Variants in LATS2 observed in about 807,000 individuals in gnomAD.
LATS2 encodes serine/threonine-protein kinase LATS2.
In LATS2, 24 loss-of-function variants were observed where a neutral mutation model predicts 76.0. That is an observed-to-expected ratio of 0.32 (90% CI 0.23 to 0.44). LATS2 has a LOEUF of 0.44. LATS2 is among the 20% of genes least tolerant of loss of function. LATS2 has a pLI of 1.00. For synonymous variants in LATS2, 692 were observed against 635.4 expected, an observed-to-expected ratio of 1.09 and a Z score of -1.34; for missense variants, 1,286 against 1,481.2, an observed-to-expected ratio of 0.87 and a Z score of 2.16.
intron 2 of LATS2, among the ~76,000 whole-genome samples, chr13:21,029,458 A>G (rs990592810): frequency 1.3e-4 from 20 of 152,190 alleles, no homozygotes; most frequent in Admixed American, 4.6e-4. Flanking sequence ...CCATTTACTA[A>G]TATTTTGGTA....
chr13:21,044,479 G>A (rs961384884), intron 2 of LATS2, among the ~76,000 whole-genome samples: 1 of 152,124 alleles, frequency 6.6e-6, no homozygotes, highest in South Asian at 2.1e-4. Flanking sequence ...TCATGCAACT[G>A]TAATTTTTAA....
intron 2 of LATS2, among the ~76,000 whole-genome samples, chr13:21,025,413 A>AAC (rs367560172): frequency 0.073 from 10,284 of 140,028 alleles, 747 homozygotes; most frequent in Non-Finnish European, 0.09. Flanking sequence ...AAAAAAAAAA[A>AAC]ATTATGGTCA....
At chr13:20,995,461 C>A (rs1459218117) in intron 2 of LATS2, among the ~76,000 whole-genome samples, 1 of 152,206 alleles carries the variant, frequency 6.6e-6, no homozygotes, top group East Asian at 1.9e-4. Context: ...CAGCTGCAAG[C>A]CAACTGAAGG....
chr13:21,037,221 A>G (rs1341066740), intron 2 of LATS2, among the ~76,000 whole-genome samples: 2 of 152,210 alleles, frequency 1.3e-5, no homozygotes, highest in Non-Finnish European at 2.9e-5. Context: ...CCTGGCCAAC[A>G]TGGTGAAACC....
chr13:20,977,415 A>T (rs2138262324), intron 7 of LATS2, among the ~76,000 whole-genome samples: 1 of 151,778 alleles, frequency 6.6e-6, no homozygotes, highest in South Asian at 2.1e-4. Flanking sequence ...TCCTAAGCAT[A>T]ACCAAACTCA....
intron 2 of LATS2, among the ~76,000 whole-genome samples, chr13:21,015,606 T>C (rs548735101): frequency 2.0e-5 from 3 of 152,366 alleles, no homozygotes; most frequent in East Asian, 3.9e-4. Flanking sequence ...TTAAATAGGA[T>C]TTGGGGAACT....
intron 2 of LATS2, among the ~76,000 whole-genome samples, chr13:21,002,476 G>C (rs1871095495): frequency 6.6e-6 from 1 of 151,518 alleles, no homozygotes; most frequent in African/African-American, 2.4e-5. Context: ...CCAGGCTCAG[G>C]TGATTCTCCC....
rs1320375890 is a variant in LATS2, at chr13:20,989,127, C to T, written c.653G>A (p.Gly218Glu). 4 of 1,609,034 alleles carry T rather than the reference C, an allele frequency of 2.5e-6. No individual in the cohort carries two copies. ...GTGGCCGGGCCCGTGGGGGCCGACT[C>T]CGGGGAAAAGGTAGTCCACGTACGG... ...PRPYVDYLFP[G>E]VGPHGPGHQH... Residue 218 changes from glycine to glutamate, a missense_variant, in exon 4 of 8, where the codon GGA becomes GAA. Coordinates refer to ENST00000382592, the MANE Select transcript of LATS2 (RefSeq NM_014572.3).
rs1280595407 is a variant in LATS2 at position 20,973,932 on chromosome 13, T to C, written c.*938A>G. 4.6e-6 allele frequency: 1 copy of C among 218,528 alleles called. No individual in the cohort carries two copies. The highest frequency in any genetic ancestry group is 2.3e-5 in the African/African-American group (1 of 44,016). The allele number at this position is 218,528 out of a possible 1,614,324, so 13.5% of individuals were successfully genotyped here. ...TTTGGCATCGCTGTATTAATCCCTTTTGATGTATATAAGTTCAGTATATGA... is the reference window on the plus strand; with the variant it reads ...TTTGGCATCGCTGTATTAATCCCTTCTGATGTATATAAGTTCAGTATATGA... On this transcript the variant is annotated 3_prime_UTR_variant, in exon 8 of 8. Coordinates refer to ENST00000382592, the MANE Select transcript of LATS2 (RefSeq NM_014572.3).
In LATS2 at chr13:20,975,100, C is replaced by T. The variant is rs149434310; in HGVS notation, c.3037G>A (p.Asp1013Asn). ...GCCTTGGTGCTACCTTCGCTGGCAT[C>T]GTTCCAAGGGCTTTCTTCATCTACG... The part of the protein sequence containing the change: ...DPVDEESPWN[D>N]ASEGSTKAWD... Residue 1013 changes from aspartate to asparagine, a missense_variant, in exon 8 of 8, where the codon GAT becomes AAT. Physicochemically the swap from Asp to Asn is conservative, Grantham distance 23. This residue lies in a region of LATS2 where 210 missense variants were observed against 234.9 expected (regional missense o/e 0.89). Coordinates refer to ENST00000382592, the MANE Select transcript of LATS2 (RefSeq NM_014572.3). 1.1e-3 allele frequency: 1,746 copies of T among 1,614,182 alleles called. 23 individuals carry two copies. In the African/African-American group the frequency reaches 0.021, roughly 19 times the overall value.
intron 2 of LATS2, among the ~76,000 whole-genome samples, chr13:21,027,822 TG>T (rs1257384250): frequency 6.6e-6 from 1 of 152,248 alleles, no homozygotes; most frequent in Non-Finnish European, 1.5e-5. Context: ...AGATTGTATT[TG>T]GATTCTGCTG....
chr13:21,032,052 G>C (rs1285279510), intron 2 of LATS2, among the ~76,000 whole-genome samples: 5 of 152,100 alleles, frequency 3.3e-5, no homozygotes, highest in Non-Finnish European at 5.9e-5. Context: ...GGTTCCTCCT[G>C]GTGCTATTGA....
At position 20,991,015 on chromosome 13, in the gene LATS2, G is replaced by A. The variant is rs956934144; in HGVS notation, c.475+257C>T. On this transcript the variant is annotated intron_variant, in intron 3 of 7. Transcript: ENST00000382592. This position sits in a 1 kb window ranked among gnomAD's most constrained non-coding sequence, Gnocchi z 4.9. Reference sequence around the variant, plus strand: ...GCACACACCTTCCCCTAGGTAGGAAGTACTAAGGTAATTTCAGACAAGGCT... The same window carrying A: ...GCACACACCTTCCCCTAGGTAGGAAATACTAAGGTAATTTCAGACAAGGCT... Among the ~76,000 whole-genome samples, 2 of 152,256 alleles carry A rather than the reference G, an allele frequency of 1.3e-5. No homozygotes were observed. The highest frequency in any genetic ancestry group is 2.4e-5 in the African/African-American group (1 of 41,470).
Position 20,975,081 on chromosome 13 carries a change from G to C in LATS2, c.3056C>G (p.Thr1019Ser). 1 of 1,614,228 alleles carries C rather than the reference G, an allele frequency of 6.2e-7. No homozygotes were observed. Among genetic ancestry groups the C allele is most frequent in the Non-Finnish European group, 8.5e-7 (1 of 1,180,040 alleles). Residue 1019 changes from threonine (T) to serine (S), a missense_variant, in exon 8 of 8, where the codon ACC becomes AGC. Around this residue, in one of 5 missense-constraint regions of LATS2, gnomAD observed 210 missense variants for 234.9 expected, o/e 0.89. Coordinates refer to ENST00000382592, the MANE Select transcript of LATS2 (RefSeq NM_014572.3). The part of the protein sequence containing the change: ...SPWNDASEGS[T>S]KAWDTLTSPN... ...CGAGGTGAGTGTGTCCCAGGCCTTG[G>C]TGCTACCTTCGCTGGCATCGTTCCA...
chr13:21,033,395 T>C (rs1371351599), intron 2 of LATS2, among the ~76,000 whole-genome samples: 1 of 152,070 alleles, frequency 6.6e-6, no homozygotes, highest in African/African-American at 2.4e-5. Context: ...CTCTTTCTAC[T>C]GTGACCTCAG....
chr13:20,983,772 C>T lies in LATS2; in HGVS notation c.1934G>A (p.Arg645Gln). The T allele has an allele frequency of 2.5e-6, 4 of 1,613,162 alleles. No individual in the cohort carries two copies. The highest frequency in any genetic ancestry group is 3.4e-6 in the Non-Finnish European group (4 of 1,179,848). ...GLCEAEQEQMRKILYQKESNY... is the reference protein window; with the variant it reads ...GLCEAEQEQMQKILYQKESNY... ...AGACTCTTTCTGGTAGAGGATCTTC[C>T]GCATCTGCTCCTGCTCAGCTTCACA... Residue 645 changes from arginine to glutamine, a missense_variant, in exon 5 of 8, where the codon CGG (arginine) becomes CAG (glutamine). Around this residue, in one of 5 missense-constraint regions of LATS2, gnomAD observed 247 missense variants for 385.4 expected, o/e 0.64. Transcript: ENST00000382592.
At chr13:21,040,073 C>CAAA (rs930634193) in intron 2 of LATS2, among the ~76,000 whole-genome samples, 1 of 123,846 alleles carries the variant, frequency 8.1e-6, no homozygotes, top group Non-Finnish European at 1.7e-5. Flanking sequence ...AACTCCATCT[C>CAAA]AAAAAAAAAA....
chr13:21,011,668 G>A lies in LATS2; in HGVS notation c.343-20264C>T, dbSNP rs114416882. Among the ~76,000 whole-genome samples, 618 of 152,276 alleles carry A rather than the reference G, an allele frequency of 4.1e-3. 5 individuals carry two copies. Among genetic ancestry groups the A allele is most frequent in the African/African-American group, 0.014 (567 of 41,540 alleles). ...TTTCCTGACTCTGGAAAATATAGGG[G>A]CAAAATACCAGCTGGCTGTTGTAGA... On this transcript the variant is annotated intron_variant, in intron 2 of 7. Transcript: ENST00000382592.
chr13:21,040,745 C>T (rs1045400824), intron 2 of LATS2, among the ~76,000 whole-genome samples: 2 of 151,770 alleles, frequency 1.3e-5, no homozygotes, highest in African/African-American at 2.4e-5. Flanking sequence ...CTGCCAGGGA[C>T]GTGGGGGGCA....
Sources: gnomAD v4.1 joint callset for allele counts (sites outside exome capture counted in the v4.1 genomes callset) on GRCh38, gnomAD v4.1.1 for gene constraint, gnomAD v4.1.1 regional missense constraint, Gnocchi (gnomAD v3.1) non-coding constraint, MANE v1.5 for transcripts, NCBI Gene and HGNC (gene_info 2026-07-23, HGNC 2026-07-21) for gene names.